The following ESR2 variants were observed in gnomAD, a reference collection of about 807,000 sequenced individuals.
ESR2 encodes the protein estrogen receptor 2.
Under a neutral mutation model 49.6 loss-of-function variants are expected in ESR2, and 36 were observed. That is an observed-to-expected ratio of 0.73 (90% CI 0.56 to 0.96). The LOEUF (loss-of-function observed/expected upper bound fraction) is 0.96, where lower values mean the gene tolerates loss of function less well. Among genes scored for constraint, ESR2 ranks in the 40% least tolerant of loss-of-function variants. ESR2 has a pLI of 0.00. For synonymous variants in ESR2, 320 were observed against 266.1 expected, an observed-to-expected ratio of 1.20 and a Z score of -1.97; for missense variants, 714 against 693.0, an observed-to-expected ratio of 1.03 and a Z score of -0.34.
intron 1 of ESR2, 86 bp from the exon 2 acceptor site, chr14:64,283,161 T>TA (rs1462198853): frequency 4.4e-5 from 24 of 545,278 alleles, no homozygotes; most frequent in Non-Finnish European, 6.6e-5. Flanking sequence ...AAAAAATACA[T>TA]ACGTTTGTAT....
chr14:64,234,143 A>G (rs1029999140), intron 8 of ESR2: 1 of 152,268 alleles, frequency 6.6e-6, no homozygotes, highest in Admixed American at 6.5e-5. Context: ...AGGAATCTAC[A>G]AACACAGGAT....
At chr14:64,252,321 A>C (rs910153732) in intron 6 of ESR2, among the ~76,000 whole-genome samples, 1 of 152,076 alleles carries the variant, frequency 6.6e-6, no homozygotes, top group Non-Finnish European at 1.5e-5. Flanking sequence ...AAAAAAAAAA[A>C]AACAAAAACA....
intron 7 of ESR2, among the ~76,000 whole-genome samples, chr14:64,240,388 C>A (rs1001415883): frequency 1.3e-5 from 2 of 152,198 alleles, no homozygotes; most frequent in Admixed American, 6.5e-5. Context: ...AGAGACCTAC[C>A]CCCATTTCTC....
At chr14:64,228,049 T>C (rs1306548883), downstream of ESR2, 5 of 1,413,350 alleles carry the variant, frequency 3.5e-6, no homozygotes, top group South Asian at 4.9e-5. Context: ...ACAGGACCTG[T>C]GGTCATAAAT....
At position 64,232,608 on chromosome 14, in the gene ESR2, T is replaced by G. The variant is rs898900981; in HGVS notation, c.*529A>C. The G allele has an allele frequency of 6.5e-6, 1 of 152,948 alleles. No individual in the cohort carries two copies. The highest frequency in any genetic ancestry group is 1.9e-4 in the East Asian group (1 of 5,198). The allele number at this position is 152,948 out of a possible 1,614,324, so 9.5% of individuals were successfully genotyped here. A position where few individuals can be genotyped will look rare whatever the true frequency, so the allele number is the denominator to read the frequency against. On this transcript the variant is annotated 3_prime_UTR_variant, in exon 9 of 9. Coordinates refer to ENST00000341099, the MANE Select transcript of ESR2 (RefSeq NM_001437.3). ...TTGACAGAATAAGCATCATATGATA[T>G]GATCAGTCCCCACAGGCCTGGGAGG...
At chr14:64,242,735 T>C (rs1213460755) in intron 7 of ESR2, among the ~76,000 whole-genome samples, 2 of 152,194 alleles carry the variant, frequency 1.3e-5, no homozygotes, top group African/African-American at 4.8e-5. Context: ...ACAGAATGAA[T>C]TGGAAAACAT....
upstream of ESR2, among the ~76,000 whole-genome samples, chr14:64,296,504 T>C (rs745372848): frequency 6.6e-6 from 1 of 152,198 alleles, no homozygotes; most frequent in African/African-American, 2.4e-5. Flanking sequence ...TTCAGGAAGG[T>C]TAAACAACCT....
At chr14:64,248,179 G>C (rs1170171340) in intron 7 of ESR2, among the ~76,000 whole-genome samples, 1 of 151,988 alleles carries the variant, frequency 6.6e-6, no homozygotes, top group African/African-American at 2.4e-5. Flanking sequence ...GGGCAACAGA[G>C]TGACACCCTG....
At chr14:64,328,828 G>A (rs1858106312) in intron 1 of ESR2, among the ~76,000 whole-genome samples, 1 of 152,056 alleles carries the variant, frequency 6.6e-6, no homozygotes, top group Non-Finnish European at 1.5e-5. Context: ...CAATATAAGA[G>A]GTAGATCCCA....
rs2098726979 is a variant in ESR2 at position 64,231,260 on chromosome 14, AAT to A, written c.*1875_*1876del. The A allele has an allele frequency of 6.6e-6, 1 of 152,190 alleles. No individual in the cohort carries two copies. The highest frequency in any genetic ancestry group is 6.5e-5 in the Admixed American group (1 of 15,286). The allele number at this position is 152,190 out of a possible 1,614,324, so 9.4% of individuals were successfully genotyped here. ...ATTTAATAGAATTTCACTGGCAGATAATGAGTTGCTGAAGGCTGCCTTCTTTG... is the reference window on the plus strand; with the variant it reads ...ATTTAATAGAATTTCACTGGCAGATAGAGTTGCTGAAGGCTGCCTTCTTTG... On this transcript the variant is annotated 3_prime_UTR_variant, in exon 9 of 9. Coordinates refer to ENST00000341099, the MANE Select transcript of ESR2 (RefSeq NM_001437.3).
chr14:64,277,986 A>G (rs1022821154), intron 3 of ESR2, among the ~76,000 whole-genome samples: 1 of 152,162 alleles, frequency 6.6e-6, no homozygotes, highest in Non-Finnish European at 1.5e-5. Flanking sequence ...AAAAAAAAAA[A>G]AGAAGGATCT....
intron 6 of ESR2, among the ~76,000 whole-genome samples, chr14:64,255,135 AG>A (rs1228571832): frequency 1.3e-5 from 2 of 152,150 alleles, no homozygotes; most frequent in African/African-American, 4.8e-5. Flanking sequence ...ACTAAAAACC[AG>A]GAATGAAATA....
chr14:64,257,124 G>C (rs961168693), intron 6 of ESR2, 102 bp downstream of exon 6: 1 of 1,074,168 alleles, frequency 9.3e-7, no homozygotes, highest in South Asian at 1.4e-5. Context: ...CCTCTGCCCT[G>C]CAAGTGTGAG....
intron 4 of ESR2, among the ~76,000 whole-genome samples, chr14:64,261,240 T>TTTC (rs1555577215): frequency 1.8e-5 from 1 of 54,328 alleles, no homozygotes; most frequent in Non-Finnish European, 5.1e-5. Flanking sequence ...TTCTTTTTTC[T>TTTC]TTTTTTTTTT....
In ESR2 at chr14:64,300,936, TGAG is replaced by T. The variant is rs1439249938; in HGVS notation, c.-90-17864_-90-17862del. 2.6e-5 allele frequency among the ~76,000 whole-genome samples: 4 copies of T among 151,210 alleles called. No individual in the cohort carries two copies. The South Asian group carries it at 6.2e-4, about 23-fold the overall frequency. On this transcript the variant is annotated intron_variant, in intron 1 of 8. Coordinates refer to the ESR2 transcript ENST00000358599. The stretch of plus-strand genomic sequence containing the variant: ...TATGAGGGTGTTTGCTCACAGATGA[TGAG>T]GAGGAGGCTATAACTACCATTCATT...
chr14:64,277,975 C>CAAAAA, intron 3 of ESR2, among the ~76,000 whole-genome samples: 1 of 144,920 alleles, frequency 6.9e-6, no homozygotes, highest in African/African-American at 2.5e-5. Flanking sequence ...TCCCCAAAAG[C>CAAAAA]AAAAAAAAAA....
chr14:64,292,065 A>G (rs964121799), intron 1 of ESR2, among the ~76,000 whole-genome samples: 6 of 152,198 alleles, frequency 3.9e-5, no homozygotes, highest in African/African-American at 1.4e-4. Flanking sequence ...ATCTGCTAAG[A>G]ACTAAATCTA....
intron 1 of ESR2, among the ~76,000 whole-genome samples, chr14:64,289,136 C>T (rs1404151437): frequency 6.6e-6 from 1 of 152,180 alleles, no homozygotes; most frequent in African/African-American, 2.4e-5. Context: ...TGAGCTGCCA[C>T]ATCTTCTTCA....
At chr14:64,329,274 G>A (rs2077425768) in intron 1 of ESR2, among the ~76,000 whole-genome samples, 1 of 152,086 alleles carries the variant, frequency 6.6e-6, no homozygotes, top group Non-Finnish European at 1.5e-5. Flanking sequence ...CCCTCTAGAA[G>A]GGCACCACAC....
Sources: gnomAD v4.1 joint callset for allele counts (sites outside exome capture counted in the v4.1 genomes callset) on GRCh38, gnomAD v4.1.1 for gene constraint, MANE v1.5 for transcripts, NCBI Gene and HGNC (gene_info 2026-07-23, HGNC 2026-07-21) for gene names.